The following SH3KBP1 variants were observed in gnomAD, a reference collection of about 807,000 sequenced individuals.
The protein encoded by SH3KBP1 is SH3 domain containing kinase binding protein 1.
A neutral mutation model predicts 50.1 loss-of-function variants in SH3KBP1; 8 were observed. The observed-to-expected ratio is 0.16, with a 90% CI of 0.09 to 0.29. SH3KBP1 has a LOEUF of 0.29. Among genes scored for constraint, SH3KBP1 ranks in the 10% least tolerant of loss-of-function variants. SH3KBP1 has a pLI of 1.00. For synonymous variants in SH3KBP1, 227 were observed against 218.6 expected, an observed-to-expected ratio of 1.04 and a Z score of -0.34; for missense variants, 377 against 535.2, an observed-to-expected ratio of 0.70 and a Z score of 2.92.
chrX:19,849,431 G>A (rs1036674787), intron 1 of SH3KBP1, among the ~76,000 whole-genome samples: 1 of 110,605 alleles, frequency 9.0e-6, no homozygotes, highest in African/African-American at 3.3e-5. Context: ...GCTCACACCT[G>A]TAATCCCAGC....
intron 3 of SH3KBP1, among the ~76,000 whole-genome samples, chrX:19,733,096 G>T (rs1456799040): frequency 9.0e-6 from 1 of 111,606 alleles, no homozygotes; most frequent in East Asian, 2.8e-4. Context: ...AGGTGGGGGA[G>T]AAAAGGTTTT....
chrX:19,868,047 G>C (rs865849416), intron 1 of SH3KBP1, among the ~76,000 whole-genome samples: 1 of 111,490 alleles, frequency 9.0e-6, no homozygotes. Context: ...TGGAGGGCCA[G>C]AGGGTATTAG....
intron 6 of SH3KBP1, among the ~76,000 whole-genome samples, chrX:19,674,467 T>G (rs1437548502): frequency 8.9e-6 from 1 of 112,124 alleles, no homozygotes; most frequent in Admixed American, 9.4e-5. Flanking sequence ...AAAGCTTCAG[T>G]GAATGAATGA....
At chrX:19,595,086 T>C in intron 9 of SH3KBP1, 86 bp from the exon 10 acceptor site, 1 of 711,237 alleles carries the variant, frequency 1.4e-6, no homozygotes, top group South Asian at 2.3e-5. Flanking sequence ...GTTTTCTATG[T>C]GCAGTTTGGA....
chrX:19,760,023 C>CCTCCCTCT (rs2065337686), intron 2 of SH3KBP1, among the ~76,000 whole-genome samples: 1 of 83,582 alleles, frequency 1.2e-5, no homozygotes, highest in African/African-American at 5.9e-5. Flanking sequence ...CTCTCTCTCT[C>CCTCCCTCT]CTCTCTCTCT....
chrX:19,585,824 G>C (rs187273260), intron 12 of SH3KBP1, among the ~76,000 whole-genome samples: 2 of 111,946 alleles, frequency 1.8e-5, no homozygotes, highest in Admixed American at 1.9e-4. Context: ...CAGGTGATTC[G>C]GAGGCATGCT....
At chrX:19,710,291 C>T (rs2063744599) in intron 3 of SH3KBP1, among the ~76,000 whole-genome samples, 1 of 112,271 alleles carries the variant, frequency 8.9e-6, no homozygotes, top group Admixed American at 9.4e-5. Flanking sequence ...ATGTTCCCTG[C>T]CCCTGAGTCA....
chrX:19,545,250 G>A (rs1204632953), intron 15 of SH3KBP1, among the ~76,000 whole-genome samples: 1 of 112,034 alleles, frequency 8.9e-6, no homozygotes, highest in Non-Finnish European at 1.9e-5. Flanking sequence ...TTTTCTTAGT[G>A]GGAGAAAATG....
chrX:19,875,561 C>T (rs1343316992), intron 1 of SH3KBP1, among the ~76,000 whole-genome samples: 2 of 112,480 alleles, frequency 1.8e-5, no homozygotes, highest in Admixed American at 1.9e-4. Flanking sequence ...CTCCACAGGG[C>T]AGGGCTTCAT....
chrX:19,730,795 C>T (rs753039545), intron 3 of SH3KBP1, among the ~76,000 whole-genome samples: 1 of 111,704 alleles, frequency 9.0e-6, no homozygotes, highest in African/African-American at 3.3e-5. Flanking sequence ...GATGAGGAAT[C>T]AAATATCAGA....
chrX:19,643,310 TTTTTTTTTTTTA>T lies in SH3KBP1; in HGVS notation c.802+2078_802+2089del, dbSNP rs1569373284. On this transcript the variant is annotated intron_variant, in intron 7 of 17. Transcript: ENST00000397821. ...GGCTGAAACTGAAGAATTTTTTATT[TTTTTTTTTTTTA>T]TTTTTTTTTTTTTTTGAGACAGGGT... 4.9e-4 allele frequency among the ~76,000 whole-genome samples: 43 copies of T among 87,634 alleles called. 2 individuals are homozygous for T. Among genetic ancestry groups the T allele is most frequent in the Non-Finnish European group, 6.5e-4 (32 of 49,040 alleles). The allele number at this position is 87,634 out of a possible 115,157, so 76.1% of individuals were successfully genotyped here.
intron 2 of SH3KBP1, among the ~76,000 whole-genome samples, chrX:19,771,102 C>T (rs1426741833): frequency 8.9e-6 from 1 of 111,738 alleles, no homozygotes; most frequent in East Asian, 2.8e-4. Flanking sequence ...TGATGTGGCA[C>T]ACTTTGGTGA....
intron 12 of SH3KBP1, 108 bp downstream of exon 12, chrX:19,588,535 C>A (rs1332615049): frequency 8.3e-7 from 1 of 1,210,702 alleles, no homozygotes; most frequent in Non-Finnish European, 1.1e-6. Context: ...AGCTTGAGCA[C>A]CCCCTTCTCC....
At chrX:19,698,912 TG>T (rs2063483138) in intron 4 of SH3KBP1, among the ~76,000 whole-genome samples, 1 of 111,788 alleles carries the variant, frequency 8.9e-6, no homozygotes, top group African/African-American at 3.3e-5. Flanking sequence ...AATGAATGAA[TG>T]AATGGCAGAG....
rs984813720 is a variant in SH3KBP1, at chrX:19,632,033, T to A, written c.803-75A>T. 1.8e-5 allele frequency: 11 copies of A among 597,677 alleles called. No individual in the cohort carries two copies. The Admixed American group carries it at 3.4e-4, about 19-fold the overall frequency. The allele number at this position is 597,677 out of a possible 1,213,427, so 49.3% of individuals were successfully genotyped here. ...CTGGCCCAGGAGAAAATGATCTCTA[T>A]CACATTAAGTTCAGGGAAAGGCACA... On this transcript the variant is annotated intron_variant, in intron 7 of 17. Transcript: ENST00000397821.
At chrX:19,864,679 A>G (rs746148873) in intron 1 of SH3KBP1, among the ~76,000 whole-genome samples, 1 of 112,335 alleles carries the variant, frequency 8.9e-6, no homozygotes, top group Admixed American at 9.4e-5. Flanking sequence ...ATTTTAGCCC[A>G]GTGAGACCCA....
intron 6 of SH3KBP1, among the ~76,000 whole-genome samples, chrX:19,653,078 C>T (rs911306233): frequency 2.7e-5 from 3 of 111,679 alleles, no homozygotes; most frequent in Non-Finnish European, 5.7e-5. Context: ...TAGCCTTGGA[C>T]TCTTGGACTC....
chrX:19,646,295 G>A (rs182358874), intron 6 of SH3KBP1, among the ~76,000 whole-genome samples: 1 of 111,940 alleles, frequency 8.9e-6, no homozygotes, highest in East Asian at 2.8e-4. Flanking sequence ...GAGAAGACTG[G>A]ATCTTATCTC....
At chrX:19,655,769 T>C (rs756689594) in intron 6 of SH3KBP1, among the ~76,000 whole-genome samples, 1 of 111,163 alleles carries the variant, frequency 9.0e-6, no homozygotes, top group African/African-American at 3.3e-5. Flanking sequence ...TCCAGTATTA[T>C]GCAATATACC....
Sources: allele counts gnomAD v4.1 joint callset (sites outside exome capture counted in the v4.1 genomes callset), GRCh38; gene constraint gnomAD v4.1.1; transcripts MANE v1.5; gene names NCBI Gene and HGNC (gene_info 2026-07-23, HGNC 2026-07-21).